The following AKR1A1 variants were observed in gnomAD, a reference collection of about 807,000 sequenced individuals.
AKR1A1 encodes HEL-S-165mP.
A neutral mutation model predicts 39.2 loss-of-function variants in AKR1A1; 26 were observed. That is an observed-to-expected ratio of 0.66 (90% CI 0.49 to 0.92). The LOEUF is 0.92. Among genes scored for constraint, AKR1A1 ranks in the 40% least tolerant of loss-of-function variants. AKR1A1 has a pLI of 0.00. For missense variants in AKR1A1, 378 were observed against 406.5 expected, an observed-to-expected ratio of 0.93 and a Z score of 0.60; for synonymous variants, 141 against 155.5, an observed-to-expected ratio of 0.91 and a Z score of 0.69.
Position 45,568,653 on chromosome 1 carries a change from T to A in AKR1A1, c.721T>A (p.Tyr241Asn). ...EPVVLALAEKYGRSPAQILLR... is the reference protein window; with the variant it reads ...EPVVLALAEKNGRSPAQILLR... ...AGTAGTCCTGGCATTGGCTGAAAAG[T>A]ATGGCCGATCTCCAGCTCAGATCTT... Residue 241 changes from tyrosine to asparagine, a missense_variant, in exon 6 of 9, where the codon TAT becomes AAT. Tyr to Asn is a moderately radical substitution (Grantham distance 143, BLOSUM62 -2). Coordinates refer to ENST00000351829, the MANE Select transcript of AKR1A1 (RefSeq NM_153326.3). 6.2e-7 allele frequency: 1 copy of A among 1,613,726 alleles called. No homozygotes were observed.
At chr1:45,563,145 T>C (rs1034481572) in intron 2 of AKR1A1, among the ~76,000 whole-genome samples, 3 of 150,338 alleles carry the variant, frequency 2.0e-5, no homozygotes, top group Non-Finnish European at 4.4e-5. Context: ...CTCACGCCTA[T>C]AATCCCAGCA....
intron 6 of AKR1A1, 60 bp downstream of exon 6, chr1:45,568,744 T>TA: frequency 6.3e-7 from 1 of 1,594,222 alleles, no homozygotes; most frequent in Non-Finnish European, 8.6e-7. Flanking sequence ...AGGGATTTCT[T>TA]ATTTCAGTGT....
intron 4 of AKR1A1, 194 bp downstream of exon 4, chr1:45,567,214 A>G: frequency 1.4e-6 from 1 of 712,810 alleles, no homozygotes; most frequent in Non-Finnish European, 2.2e-6. Flanking sequence ...ACTCTGGAAA[A>G]AGGAAGGCAG....
intron 1 of AKR1A1, among the ~76,000 whole-genome samples, chr1:45,561,478 AC>A (rs1178915552): frequency 6.6e-6 from 1 of 152,072 alleles, no homozygotes; most frequent in Non-Finnish European, 1.5e-5. Flanking sequence ...ATCTCAGCTA[AC>A]TGCAACCTCC....
At chr1:45,554,119 A>G (rs1644169952) in intron 1 of AKR1A1, among the ~76,000 whole-genome samples, 1 of 151,816 alleles carries the variant, frequency 6.6e-6, no homozygotes, top group African/African-American at 2.4e-5. Context: ...ACACAGTGAG[A>G]CCCTATCTCT....
intron 2 of AKR1A1, 42 bp downstream of exon 2, chr1:45,561,920 G>T (rs1309330321): frequency 6.3e-7 from 1 of 1,599,570 alleles, no homozygotes; most frequent in Non-Finnish European, 8.6e-7. Flanking sequence ...TTGAGCCTCT[G>T]CCTGCATTTT....
At chr1:45,556,395 C>G (rs1438700734) in intron 1 of AKR1A1, among the ~76,000 whole-genome samples, 2 of 151,772 alleles carry the variant, frequency 1.3e-5, no homozygotes, top group Non-Finnish European at 2.9e-5. Flanking sequence ...GCCTACCCAA[C>G]ATGGTGAAAC....
rs1045504739 is a variant in AKR1A1, at chr1:45,568,124, C to T, written c.499C>T (p.Arg167Trp). 8.1e-6 allele frequency: 13 copies of T among 1,613,912 alleles called. No homozygotes were observed. The highest frequency in any genetic ancestry group is 4.0e-5 in the African/African-American group (3 of 74,898). The change falls in exon 5 of 9, where the codon CGG becomes TGG. Residue 167 changes from arginine (R) to tryptophan (W), a missense_variant. Physicochemically the swap from Arg to Trp is moderately radical, Grantham distance 101 (BLOSUM62 -3). Transcript: ENST00000351829. ...QALGLSNFNS[R>W]QIDDILSVAS... is the part of the protein sequence containing the mutation. ...GCTGGGCCTGTCCAACTTCAACAGT[C>T]GGCAGATTGATGACATACTCAGTGT...
intron 1 of AKR1A1, among the ~76,000 whole-genome samples, chr1:45,557,652 C>T (rs575881647): frequency 6.6e-6 from 1 of 152,172 alleles, no homozygotes; most frequent in Non-Finnish European, 1.5e-5. Context: ...GCCCAGGAAA[C>T]CTGCCTTAGA....
chr1:45,566,835 C>G (rs1644350385), intron 3 of AKR1A1, 34 bp from the exon 4 acceptor site: 1 of 1,607,880 alleles, frequency 6.2e-7, no homozygotes, highest in African/African-American at 1.3e-5. Context: ...GTGCTCATGG[C>G]TCTTCTCACT....
At chr1:45,567,182 T>G in intron 4 of AKR1A1, 162 bp downstream of exon 4, 3 of 921,090 alleles carry the variant, frequency 3.3e-6, no homozygotes, top group Non-Finnish European at 4.8e-6. Context: ...TACAGCAGCT[T>G]AGCTGTAGCT....
Position 45,568,943 on chromosome 1 carries a change from A to T in AKR1A1, c.769A>T (p.Lys257Ter). The T allele has an allele frequency of 1.2e-5, 20 of 1,614,180 alleles. No individual in the cohort carries two copies. Among genetic ancestry groups the T allele is most frequent in the Non-Finnish European group, 1.7e-5 (20 of 1,180,022 alleles). The change falls in exon 7 of 9, where the codon AAA becomes TAA. Residue 257 changes from lysine (K) to a stop codon, truncating the protein, a stop_gained. Transcript: ENST00000351829. LOFTEE classifies it high-confidence loss of function. ...CCAACTTAGGTGGCAGGTCCAGCGG[A>T]AAGTGATCTGCATCCCCAAAAGTAT... Reference protein sequence around the residue: ...QILLRWQVQRKVICIPKSITP... With the variant: ...QILLRWQVQR
rs139473482 is a variant in AKR1A1 at position 45,563,744 on chromosome 1, G to A, written c.84+1866G>A. ...GCGGAGGTTGCAGTGAGCCGAGATC[G>A]TGCCATTGCACTCCAGCCTGGGCAA... is the stretch of plus-strand genomic sequence containing the variant. On this transcript the variant is annotated intron_variant, in intron 2 of 8. Transcript: ENST00000351829. Among the ~76,000 whole-genome samples, 35 of 152,016 alleles carry A rather than the reference G, an allele frequency of 2.3e-4. No homozygotes were observed. In the East Asian group the frequency reaches 6.2e-3, roughly 27 times the overall value.
chr1:45,553,114 G>A (rs187456173), intron 1 of AKR1A1, among the ~76,000 whole-genome samples: 115 of 149,760 alleles, frequency 7.7e-4, no homozygotes, highest in African/African-American at 2.8e-3. Context: ...AACAGAGTGA[G>A]ACTCTGTCTC....
At chr1:45,565,800 G>T (rs1644335056) in intron 2 of AKR1A1, among the ~76,000 whole-genome samples, 1 of 150,830 alleles carries the variant, frequency 6.6e-6, no homozygotes. Context: ...TTTTTAAAGA[G>T]GTGGGGGTCT....
chr1:45,557,594 A>AG (rs1644221236), intron 1 of AKR1A1, among the ~76,000 whole-genome samples: 3 of 152,146 alleles, frequency 2.0e-5, no homozygotes, highest in African/African-American at 7.2e-5. Context: ...GAGCCTTCTC[A>AG]TGCGTGCTGG....
Position 45,566,654 on chromosome 1 carries a change from G to C in AKR1A1, c.170G>C (p.Gly57Ala). ...AAIYGNEPEI[G>A]EALKEDVGPG... ...ATCTACGGCAATGAGCCTGAGATTG[G>C]GGAGGCCCTGAAGGAGGACGTGGGA... is the stretch of plus-strand genomic sequence containing the variant. Residue 57 changes from glycine to alanine, a missense_variant, in exon 3 of 9, where the codon GGG (glycine) becomes GCG (alanine). Transcript: ENST00000351829. The C allele has an allele frequency of 6.2e-7, 1 of 1,614,238 alleles. No individual in the cohort carries two copies.
intron 2 of AKR1A1, among the ~76,000 whole-genome samples, chr1:45,566,311 TTGGCCAGGCTGACCTCCAGC>T (rs1457294542): frequency 2.6e-5 from 4 of 152,110 alleles, no homozygotes; most frequent in Non-Finnish European, 5.9e-5. Flanking sequence ...TTTCACCATG[TTGGCCAGGCTGACCTCCAGC>T]TGGCCAGGCT....
Position 45,560,644 on chromosome 1 carries a change from C to G in AKR1A1, c.-6-1145C>G, listed in dbSNP as rs144983048. On this transcript the variant is annotated intron_variant, in intron 1 of 8. Transcript: ENST00000351829. ...GTTCCTTTTTTAGGACTCCCTTTAC[C>G]TCCCTTGCAGGAGCCCACTCGGGCC... Among the ~76,000 whole-genome samples the G allele has an allele frequency of 5.3e-3, 812 of 152,218 alleles. 7 individuals carry two copies. Among genetic ancestry groups the G allele is most frequent in the Non-Finnish European group, 7.4e-3 (505 of 68,012 alleles).
Sources: allele counts gnomAD v4.1 joint callset (sites outside exome capture counted in the v4.1 genomes callset), GRCh38; gene constraint gnomAD v4.1.1; transcripts MANE v1.5; gene names NCBI Gene and HGNC (gene_info 2026-07-23, HGNC 2026-07-21).